ASPH: variants seen among roughly 807,000 people sequenced by gnomAD.
The protein encoded by ASPH is aspartyl/asparaginyl beta-hydroxylase.
Under a neutral mutation model 118.4 loss-of-function variants are expected in ASPH, and 100 were observed. The observed-to-expected ratio is 0.84, with a 90% CI of 0.72 to 1.00. ASPH has a LOEUF of 1.00. Among genes scored for constraint, ASPH ranks in the 50% least tolerant of loss-of-function variants. The pLI, the probability that ASPH is intolerant of heterozygous loss-of-function variation, is 0.00. For missense variants in ASPH, 920 were observed against 919.5 expected (o/e 1.00, Z -0.01); for synonymous variants, 315 against 325.6 (o/e 0.97, Z 0.35).
intron 1 of ASPH, among the ~76,000 whole-genome samples, chr8:61,708,808 C>T (rs1837343801): frequency 6.6e-6 from 1 of 152,114 alleles, no homozygotes; most frequent in African/African-American, 2.4e-5. Context: ...TGGCATTTCT[C>T]CAAGTACAGA....
At chr8:61,541,620 C>T (rs935850945) in intron 21 of ASPH, among the ~76,000 whole-genome samples, 2 of 152,190 alleles carry the variant, frequency 1.3e-5, no homozygotes, top group South Asian at 2.1e-4. Flanking sequence ...GGTTTCTGCA[C>T]ACAGCAGCTC....
chr8:61,532,459 A>T (rs1817948355), intron 21 of ASPH, among the ~76,000 whole-genome samples: 1 of 152,132 alleles, frequency 6.6e-6, no homozygotes, highest in South Asian at 2.1e-4. Context: ...TGGTTTGCAA[A>T]TACTTTCTCC....
At chr8:61,675,978 C>A in intron 3 of ASPH, 3 of 1,545,066 alleles carry the variant, frequency 1.9e-6, no homozygotes, top group Non-Finnish European at 2.6e-6. Flanking sequence ...ACAACCACCC[C>A]ACTGCACATT....
chr8:61,584,444 G>A (rs1332844153), intron 14 of ASPH, among the ~76,000 whole-genome samples: 1 of 152,150 alleles, frequency 6.6e-6, no homozygotes, highest in Non-Finnish European at 1.5e-5. Context: ...GAAAATGGAA[G>A]GCTCCTCTCA....
At chr8:61,526,480 A>C (rs926172498) in intron 21 of ASPH, among the ~76,000 whole-genome samples, 1 of 152,190 alleles carries the variant, frequency 6.6e-6, no homozygotes, top group Non-Finnish European at 1.5e-5. Context: ...GTGACACTCC[A>C]GCCTCTAAAC....
At position 61,646,763 on chromosome 8, in the gene ASPH, T is replaced by C. The variant is rs778040963; in HGVS notation, c.606A>G (p.Glu202=). The C allele has an allele frequency of 1.2e-6, 2 of 1,613,522 alleles. No individual in the cohort carries two copies. Among genetic ancestry groups the C allele is most frequent in the Non-Finnish European group, 1.7e-6 (2 of 1,179,646 alleles). The change falls in exon 6 of 25, where the codon GAA becomes GAG. Residue 202 remains glutamate, a synonymous_variant. Coordinates refer to ENST00000379454, the MANE Select transcript of ASPH (RefSeq NM_004318.4). The stretch of plus-strand genomic sequence containing the variant: ...AAAGTGTTCTACCTTCATGAGATAC[T>C]TCAGGTTCCAGGGTCTCAAATCTAT... ...VDDRFETLEP[E]VSHEETEHSY...
At chr8:61,577,481 C>T (rs1264178379) in intron 15 of ASPH, among the ~76,000 whole-genome samples, 1 of 145,272 alleles carries the variant, frequency 6.9e-6, no homozygotes, top group African/African-American at 2.6e-5. Context: ...TTGAATTTTC[C>T]CTCAATATAA....
chr8:61,694,375 G>A (rs1380641086), intron 1 of ASPH, among the ~76,000 whole-genome samples: 1 of 152,094 alleles, frequency 6.6e-6, no homozygotes, highest in African/African-American at 2.4e-5. Flanking sequence ...CCACAGAGCC[G>A]CTGTTTCTCT....
At chr8:61,688,977 A>T (rs1017874886) in intron 1 of ASPH, among the ~76,000 whole-genome samples, 1 of 152,232 alleles carries the variant, frequency 6.6e-6, no homozygotes, top group African/African-American at 2.4e-5. Context: ...TGCTGATTAG[A>T]CAGCTGAGAG....
chr8:61,640,787 G>GT (rs1804745708), intron 10 of ASPH, among the ~76,000 whole-genome samples: 1 of 152,194 alleles, frequency 6.6e-6, no homozygotes, highest in South Asian at 2.1e-4. Context: ...CAATTACATG[G>GT]TAAGGCCATA....
chr8:61,603,191 C>CAAA (rs11336705), intron 14 of ASPH, among the ~76,000 whole-genome samples: 18 of 61,366 alleles, frequency 2.9e-4, no homozygotes, highest in East Asian at 6.6e-4. Context: ...AGACTTGTCT[C>CAAA]AAAAAAAAAA....
chr8:61,682,483 G>A (rs1828582828), intron 2 of ASPH: 1 of 1,612,156 alleles, frequency 6.2e-7, no homozygotes, highest in Non-Finnish European at 8.5e-7. Context: ...CTTTGCTTTG[G>A]CTGCATGCAT....
At chr8:61,648,240 TAAC>T (rs961385772) in intron 5 of ASPH, among the ~76,000 whole-genome samples, 2 of 152,176 alleles carry the variant, frequency 1.3e-5, no homozygotes, top group African/African-American at 4.8e-5. Flanking sequence ...ATTACAGTAA[TAAC>T]AACATTGTCA....
intron 3 of ASPH, among the ~76,000 whole-genome samples, chr8:61,672,901 T>G (rs1478864514): frequency 6.6e-6 from 1 of 152,136 alleles, no homozygotes; most frequent in Non-Finnish European, 1.5e-5. Flanking sequence ...TTTATAGACT[T>G]AAGGAGCTAG....
chr8:61,571,922 T>C (rs140873234), intron 16 of ASPH, among the ~76,000 whole-genome samples: 19 of 152,300 alleles, frequency 1.2e-4, no homozygotes, highest in African/African-American at 4.3e-4. Flanking sequence ...GCAAAATGAT[T>C]TAGCAATTTC....
intron 16 of ASPH, among the ~76,000 whole-genome samples, chr8:61,574,526 G>A (rs200917135): frequency 0.26 from 11,560 of 44,726 alleles, 1,228 homozygotes; most frequent in African/African-American, 0.33. Flanking sequence ...CCATAAAAAC[G>A]GATGAGTTCA....
At chr8:61,626,069 T>C in intron 13 of ASPH, 1 of 1,241,606 alleles carries the variant, frequency 8.1e-7, no homozygotes, top group Non-Finnish European at 1.0e-6. Context: ...TAACATGACA[T>C]TTTTAGAAAT....
At chr8:61,555,835 T>C (rs994656859) in intron 19 of ASPH, 89 bp downstream of exon 19, 14 of 1,137,116 alleles carry the variant, frequency 1.2e-5, no homozygotes, top group Non-Finnish European at 1.8e-5. Context: ...CAGCAGTGCA[T>C]GCAATCAATC....
chr8:61,625,773 AATG>A (rs1420325410), intron 13 of ASPH: 4 of 985,664 alleles, frequency 4.1e-6, no homozygotes, highest in Non-Finnish European at 4.8e-6. Context: ...CTTCACAGCT[AATG>A]ATGATCTCTG....
Sources: gnomAD v4.1 joint callset for allele counts (sites outside exome capture counted in the v4.1 genomes callset) on GRCh38, gnomAD v4.1.1 for gene constraint, MANE v1.5 for transcripts, NCBI Gene and HGNC (gene_info 2026-07-23, HGNC 2026-07-21) for gene names.